Variants in PROK2 observed in about 807,000 individuals in gnomAD.
PROK2 encodes the protein prokineticin-2.
Under a neutral mutation model 14.2 loss-of-function variants are expected in PROK2, and 8 were observed. That is an observed-to-expected ratio of 0.56 (90% CI 0.33 to 1.02). The LOEUF (loss-of-function observed/expected upper bound fraction) is 1.02. Ranked by LOEUF, PROK2 falls within the 50% of genes least tolerant of loss-of-function variation. PROK2 has a pLI of 0.03. For synonymous variants in PROK2, 59 were observed against 60.7 expected (o/e 0.97, Z 0.13); for missense variants, 154 against 160.4 (o/e 0.96, Z 0.22).
chr3:71,774,656 T>G, intron 2 of PROK2, 149 bp from the exon 3 acceptor site: 6 of 1,031,746 alleles, frequency 5.8e-6, no homozygotes, highest in Non-Finnish European at 6.8e-6. Context: ...ATGTCATGAC[T>G]TCCCAGGTTC....
intron 2 of PROK2, among the ~76,000 whole-genome samples, chr3:71,776,588 G>C (rs6807443): frequency 0.42 from 64,181 of 151,664 alleles, 13,988 homozygotes; most frequent in East Asian, 0.69. Flanking sequence ...ATGTTGCCCA[G>C]GCTGGTCTTG....
At chr3:71,776,100 G>A (rs2050115424) in intron 2 of PROK2, among the ~76,000 whole-genome samples, 1 of 152,048 alleles carries the variant, frequency 6.6e-6, no homozygotes, top group Admixed American at 6.5e-5. Context: ...TGTTCACAAG[G>A]TCATCTGTTT....
intron 2 of PROK2, among the ~76,000 whole-genome samples, chr3:71,779,206 A>C (rs1435615028): frequency 6.6e-6 from 1 of 152,226 alleles, no homozygotes; most frequent in Admixed American, 6.5e-5. Flanking sequence ...CTGTTATCCA[A>C]ACAAACCAGT....
chr3:71,772,851 T>C (rs2050091280), intron 3 of PROK2, 23 bp from the exon 4 acceptor site: 1 of 1,601,300 alleles, frequency 6.2e-7, no homozygotes, highest in African/African-American at 1.3e-5. Flanking sequence ...GAAAACGGAG[T>C]CAGAGCTGGA....
intron 2 of PROK2, 120 bp from the exon 3 acceptor site, chr3:71,774,627 G>C: frequency 7.5e-7 from 1 of 1,328,552 alleles, no homozygotes; most frequent in Non-Finnish European, 1.0e-6. Flanking sequence ...AGCCATCCCA[G>C]TTCCTCTGTC....
In PROK2 at chr3:71,772,435, T is replaced by C; in HGVS notation, c.*289A>G. ...CTTATTTTCCTCATTTTTGTGAAAA[T>C]GGGTACGTTTTTGACATTTAAGAAA... On this transcript the variant is annotated 3_prime_UTR_variant, in exon 4 of 4. Transcript: ENST00000295619. 2.9e-6 allele frequency: 1 copy of C among 343,630 alleles called. No homozygotes were observed. Among genetic ancestry groups the C allele is most frequent in the Non-Finnish European group, 5.3e-6 (1 of 189,712 alleles). 21.3% of individuals were successfully genotyped at this position (343,630 alleles called of 1,614,324 possible).
At chr3:71,778,322 A>T (rs2050135617) in intron 2 of PROK2, among the ~76,000 whole-genome samples, 1 of 152,168 alleles carries the variant, frequency 6.6e-6, no homozygotes, top group African/African-American at 2.4e-5. Flanking sequence ...TCCTAGGTGA[A>T]CTCATATATC....
At position 71,785,104 on chromosome 3, in the gene PROK2, G is replaced by C. The variant is rs1453646317; in HGVS notation, c.-52C>G. 6 of 1,130,788 alleles carry C rather than the reference G, an allele frequency of 5.3e-6. No homozygotes were observed. Among genetic ancestry groups the C allele is most frequent in the African/African-American group, 1.6e-5 (1 of 61,706 alleles). 70.0% of individuals were successfully genotyped at this position (1,130,788 alleles called of 1,614,324 possible). The stretch of plus-strand genomic sequence containing the variant: ...GGAGGCAGTTGGGGGCGCGGGGCCC[G>C]GGTGCGCTGGGTGGAGCGCGGAGCG... On this transcript the variant is annotated 5_prime_UTR_variant, in exon 1 of 4. Transcript: ENST00000295619.
intron 2 of PROK2, among the ~76,000 whole-genome samples, chr3:71,776,875 C>CCAACACTTAATG (rs1397004276): frequency 6.6e-6 from 1 of 152,196 alleles, no homozygotes; most frequent in Non-Finnish European, 1.5e-5. Flanking sequence ...TTAGAATCAA[C>CCAACACTTAATG]CAACACTTAA....
intron 2 of PROK2, among the ~76,000 whole-genome samples, chr3:71,775,322 A>C (rs1431024860): frequency 6.6e-6 from 1 of 152,202 alleles, no homozygotes; most frequent in Non-Finnish European, 1.5e-5. Context: ...GCCCTATCTT[A>C]AGTGCCGAGC....
rs764113123 is a variant in PROK2 at position 71,772,864 on chromosome 3, G to C, written c.286-36C>G. On this transcript the variant is annotated intron_variant, in intron 3 of 3. Transcript: ENST00000295619. ...AAGAAAACGGAGTCAGAGCTGGAAA[G>C]GTTTCAAAAACAAACAAACCAAATC... is the stretch of plus-strand genomic sequence containing the variant. The C allele has an allele frequency of 9.0e-5, 142 of 1,580,782 alleles. 1 individual carries two copies. The South Asian group carries it at 1.5e-3, about 16-fold the overall frequency.
intron 1 of PROK2, among the ~76,000 whole-genome samples, chr3:71,783,163 A>G (rs1181252037): frequency 1.3e-5 from 2 of 152,204 alleles, no homozygotes; most frequent in African/African-American, 4.8e-5. Flanking sequence ...TCGAATTTTG[A>G]GGCCCCATGA....
intron 3 of PROK2, among the ~76,000 whole-genome samples, chr3:71,773,240 A>C (rs1365586502): frequency 2.0e-5 from 3 of 152,188 alleles, no homozygotes; most frequent in Non-Finnish European, 4.4e-5. Flanking sequence ...TCAGCCTCTC[A>C]AACTGCTGGG....
At position 71,778,129 on chromosome 3, in the gene PROK2, G is replaced by A. The variant is rs377228659; in HGVS notation, c.222+3338C>T. ...GGAGAATGGCGTGAACCCGGGAGGCGGAGCTTGCAGTGAGCCGAGATCACA... is the reference window on the plus strand; with the variant it reads ...GGAGAATGGCGTGAACCCGGGAGGCAGAGCTTGCAGTGAGCCGAGATCACA... On this transcript the variant is annotated intron_variant, in intron 2 of 3. Coordinates refer to ENST00000295619, the MANE Select transcript of PROK2 (RefSeq NM_001126128.2). 5.8e-4 allele frequency among the ~76,000 whole-genome samples: 87 copies of A among 150,614 alleles called. No homozygotes were observed. In the South Asian group the frequency reaches 0.016, roughly 28 times the overall value.
intron 1 of PROK2, among the ~76,000 whole-genome samples, chr3:71,784,119 T>C (rs543922771): frequency 9.2e-5 from 14 of 152,240 alleles, no homozygotes; most frequent in African/African-American, 3.4e-4. Flanking sequence ...AACCAGGAAA[T>C]GATAGCAGTT....
chr3:71,774,648 G>A, intron 2 of PROK2, 141 bp from the exon 3 acceptor site: 1 of 1,157,428 alleles, frequency 8.6e-7, no homozygotes, highest in Non-Finnish European at 1.2e-6. Context: ...CTTTTGCTAT[G>A]TCATGACTTC....
At chr3:71,774,399 C>T (rs561385893) in intron 3 of PROK2, 46 bp downstream of exon 3, 90 of 1,551,462 alleles carry the variant, frequency 5.8e-5, no homozygotes, top group South Asian at 4.8e-4. Flanking sequence ...AAGGCTAATT[C>T]TTCTGGGCAT....
At chr3:71,773,844 G>C (rs2050098814) in intron 3 of PROK2, among the ~76,000 whole-genome samples, 1 of 152,212 alleles carries the variant, frequency 6.6e-6, no homozygotes, top group African/African-American at 2.4e-5. Context: ...CATGGTGGTT[G>C]TCTGTGCCAG....
At chr3:71,784,931 C>T (rs2050200332) in intron 1 of PROK2, 26 bp downstream of exon 1, 10 of 1,236,720 alleles carry the variant, frequency 8.1e-6, no homozygotes, top group South Asian at 4.1e-5. Context: ...GCATCAGGGG[C>T]AGACAGGTGC....
Sources: gnomAD v4.1 joint callset for allele counts (sites outside exome capture counted in the v4.1 genomes callset) on GRCh38, gnomAD v4.1.1 for gene constraint, MANE v1.5 for transcripts, NCBI Gene and HGNC (gene_info 2026-07-23, HGNC 2026-07-21) for gene names.